Variants in CENPP observed in about 807,000 individuals in gnomAD.
CENPP encodes the protein centromere protein P.
Under a neutral mutation model 35.6 loss-of-function variants are expected in CENPP, and 24 were observed. That is an observed-to-expected ratio of 0.67 (90% CI 0.49 to 0.95). CENPP has a LOEUF of 0.95. Ranked by LOEUF, CENPP falls within the 40% of genes least tolerant of loss-of-function variation. The pLI is 0.00. For missense variants in CENPP, 332 were observed against 345.3 expected (o/e 0.96, Z 0.31); for synonymous variants, 120 against 125.5 (o/e 0.96, Z 0.29).
chr9:92,567,202 G>A (rs764122973), intron 5 of CENPP, among the ~76,000 whole-genome samples: 1 of 151,916 alleles, frequency 6.6e-6, no homozygotes, highest in Admixed American at 6.6e-5. Flanking sequence ...TCAAAACAAC[G>A]TGAAGAAATA....
intron 5 of CENPP, among the ~76,000 whole-genome samples, chr9:92,552,298 T>G (rs1244503585): frequency 6.6e-6 from 1 of 152,028 alleles, no homozygotes; most frequent in Non-Finnish European, 1.5e-5. Context: ...TGTGCTGCTA[T>G]AAACATGCAT....
chr9:92,597,300 G>C (rs1328826898), intron 5 of CENPP, among the ~76,000 whole-genome samples: 1 of 152,122 alleles, frequency 6.6e-6, no homozygotes, highest in African/African-American at 2.4e-5. Context: ...CAAGAATGAA[G>C]GGCTCCAAAC....
At chr9:92,549,690 T>G (rs1849546935) in intron 5 of CENPP, among the ~76,000 whole-genome samples, 1 of 151,976 alleles carries the variant, frequency 6.6e-6, no homozygotes, top group Non-Finnish European at 1.5e-5. Context: ...GACATTCTAT[T>G]GAGAATTTTG....
chr9:92,413,225 G>T (rs1843495402), intron 5 of CENPP, among the ~76,000 whole-genome samples: 1 of 152,058 alleles, frequency 6.6e-6, no homozygotes, highest in Non-Finnish European at 1.5e-5. Context: ...GACCCCAGGT[G>T]ATCCACCTAA....
At chr9:92,493,087 G>A (rs1055142846) in intron 5 of CENPP, among the ~76,000 whole-genome samples, 1 of 152,240 alleles carries the variant, frequency 6.6e-6, no homozygotes, top group Admixed American at 6.5e-5. Context: ...AGAAAGGGAA[G>A]AGAAGGCTGC....
intron 4 of CENPP, among the ~76,000 whole-genome samples, chr9:92,365,311 G>C (rs1434798338): frequency 6.6e-6 from 1 of 151,868 alleles, no homozygotes; most frequent in Non-Finnish European, 1.5e-5. Flanking sequence ...ACATGGAGGA[G>C]GTTGCCTGGC....
rs952595412 is a variant in CENPP, at chr9:92,356,483, CAT to C, written c.467+10697_467+10698del. On this transcript the variant is annotated intron_variant, in intron 4 of 7. Coordinates refer to ENST00000375587, the MANE Select transcript of CENPP (RefSeq NM_001012267.3). ...ACTGATTTCATATTGTTCAAACACACATGTTTTACAATCAATTAGTACAGTTA... is the reference window on the plus strand; with the variant it reads ...ACTGATTTCATATTGTTCAAACACACGTTTTACAATCAATTAGTACAGTTA... Among the ~76,000 whole-genome samples the C allele has an allele frequency of 3.6e-4, 55 of 152,334 alleles. 1 individual carries two copies. The highest frequency in any genetic ancestry group is 9.2e-4 in the Admixed American group (14 of 15,298).
chr9:92,411,751 G>A (rs1270023755), intron 5 of CENPP, among the ~76,000 whole-genome samples: 1 of 152,236 alleles, frequency 6.6e-6, no homozygotes, highest in Non-Finnish European at 1.5e-5. Flanking sequence ...TGTGCAAGAA[G>A]TGAAACAAGT....
intron 5 of CENPP, among the ~76,000 whole-genome samples, chr9:92,609,742 G>GGTTT (rs1162559161): frequency 1.3e-5 from 2 of 152,344 alleles, no homozygotes; most frequent in East Asian, 3.9e-4. Flanking sequence ...GTGTGTGTGT[G>GGTTT]TTTTTGTTTT....
intron 5 of CENPP, among the ~76,000 whole-genome samples, chr9:92,478,012 C>T (rs1845773125): frequency 1.3e-5 from 2 of 151,876 alleles, no homozygotes; most frequent in Non-Finnish European, 2.9e-5. Flanking sequence ...ACCAATAGAA[C>T]TAAAGACATT....
At chr9:92,358,628 G>T (rs994214066) in intron 4 of CENPP, among the ~76,000 whole-genome samples, 1 of 151,962 alleles carries the variant, frequency 6.6e-6, no homozygotes, top group Non-Finnish European at 1.5e-5. Context: ...CCTATCTCCA[G>T]GTTTGGTGAT....
rs139234867 is a variant in CENPP, at chr9:92,394,375, T to G, written c.564+14516T>G. On this transcript the variant is annotated intron_variant, in intron 5 of 7. Coordinates refer to ENST00000375587, the MANE Select transcript of CENPP (RefSeq NM_001012267.3). ...CTTCTGCCTCAGCCTCCTGAGTAGC[T>G]GGGATTACTGGCGTATGCCACCACA... Among the ~76,000 whole-genome samples the G allele has an allele frequency of 7.0e-3, 1,054 of 151,188 alleles. 14 individuals are homozygous for G. Among genetic ancestry groups the G allele is most frequent in the African/African-American group, 0.024 (986 of 41,246 alleles).
At chr9:92,342,068 T>G (rs1452976596) in intron 3 of CENPP, among the ~76,000 whole-genome samples, 6 of 152,268 alleles carry the variant, frequency 3.9e-5, no homozygotes, top group Non-Finnish European at 8.8e-5. Flanking sequence ...GGTTCTACCA[T>G]CAGCCAACAT....
chr9:92,330,466 G>A (rs1366166011), intron 1 of CENPP, among the ~76,000 whole-genome samples: 1 of 151,982 alleles, frequency 6.6e-6, no homozygotes, highest in Non-Finnish European at 1.5e-5. Context: ...CTCTAATGTT[G>A]GAGACAAGAA....
intron 5 of CENPP, among the ~76,000 whole-genome samples, chr9:92,479,406 A>G (rs916879229): frequency 1.3e-5 from 2 of 152,210 alleles, no homozygotes; most frequent in African/African-American, 4.8e-5. Context: ...GCTGTTGGGA[A>G]GCATTCCAGT....
intron 5 of CENPP, among the ~76,000 whole-genome samples, chr9:92,458,567 T>G (rs944517827): frequency 6.6e-6 from 1 of 152,216 alleles, no homozygotes; most frequent in Non-Finnish European, 1.5e-5. Flanking sequence ...GTGTTTACTT[T>G]GTGGACATTC....
chr9:92,417,557 A>C, intron 5 of CENPP: 2 of 1,550,902 alleles, frequency 1.3e-6, no homozygotes, highest in African/African-American at 1.4e-5. Flanking sequence ...TAAAAAACCC[A>C]TCTTCTTTTT....
intron 5 of CENPP, among the ~76,000 whole-genome samples, chr9:92,396,378 A>G (rs1198159436): frequency 6.6e-6 from 1 of 151,062 alleles, no homozygotes; most frequent in Non-Finnish European, 1.5e-5. Context: ...TGTTAATTAA[A>G]CAAAAAAAAA....
chr9:92,560,793 A>G (rs1185965491), intron 5 of CENPP, among the ~76,000 whole-genome samples: 3 of 150,386 alleles, frequency 2.0e-5, no homozygotes, highest in African/African-American at 7.4e-5. Flanking sequence ...TTCCGCATTT[A>G]TGGCTCTCAG....
Sources: gnomAD v4.1 joint callset for allele counts (sites outside exome capture counted in the v4.1 genomes callset) on GRCh38, gnomAD v4.1.1 for gene constraint, MANE v1.5 for transcripts, NCBI Gene and HGNC (gene_info 2026-07-23, HGNC 2026-07-21) for gene names.